PTPRD: variants seen among roughly 807,000 people sequenced by gnomAD.
The protein encoded by PTPRD is receptor-type tyrosine-protein phosphatase delta.
Under a neutral mutation model 214.5 loss-of-function variants are expected in PTPRD, and 34 were observed. The observed-to-expected ratio is 0.16, with a 90% confidence interval of 0.12 to 0.21. The LOEUF is 0.21. Among genes scored for constraint, PTPRD ranks in the 10% least tolerant of loss-of-function variants. PTPRD has a pLI of 1.00. For synonymous variants in PTPRD, 1,128 were observed against 845.7 expected, an observed-to-expected ratio of 1.33 and a Z score of -5.79; for missense variants, 2,545 against 2,398.7, an observed-to-expected ratio of 1.06 and a Z score of -1.27.
chr9:8,912,627 T>A (rs1226392027), intron 11 of PTPRD, among the ~76,000 whole-genome samples: 1 of 152,170 alleles, frequency 6.6e-6, no homozygotes, highest in Non-Finnish European at 1.5e-5. Context: ...GTATGGTATG[T>A]GAATTATACC....
chr9:10,425,900 T>C (rs1449756684), intron 2 of PTPRD, among the ~76,000 whole-genome samples: 1 of 151,986 alleles, frequency 6.6e-6, no homozygotes, highest in Non-Finnish European at 1.5e-5. Context: ...TTTCTGAACA[T>C]CTTATTAAAT....
chr9:8,474,076 T>C (rs1016449881), intron 30 of PTPRD, among the ~76,000 whole-genome samples: 21 of 152,146 alleles, frequency 1.4e-4, no homozygotes, highest in Non-Finnish European at 2.5e-4. Context: ...ATATGGCAGC[T>C]GTGGATCTAT....
At chr9:8,634,996 G>C (rs1292730571) in intron 13 of PTPRD, among the ~76,000 whole-genome samples, 1 of 150,146 alleles carries the variant, frequency 6.7e-6, no homozygotes, top group African/African-American at 2.4e-5. Context: ...CAGTCAACAT[G>C]TACTGCTCTC....
chr9:8,754,702 G>T (rs2093829548), intron 11 of PTPRD, among the ~76,000 whole-genome samples: 3 of 148,682 alleles, frequency 2.0e-5, no homozygotes, highest in South Asian at 2.3e-4. Flanking sequence ...TGAAAATAAG[G>T]TAATGACAAT....
chr9:8,686,315 G>A (rs2097680120), intron 12 of PTPRD, among the ~76,000 whole-genome samples: 1 of 152,144 alleles, frequency 6.6e-6, no homozygotes, highest in Admixed American at 6.5e-5. Context: ...TTTGAACACA[G>A]CTAACTTGGA....
chr9:9,833,676 T>TC (rs1323472455), intron 5 of PTPRD, among the ~76,000 whole-genome samples: 2 of 99,504 alleles, frequency 2.0e-5, no homozygotes, highest in East Asian at 2.4e-3. Flanking sequence ...ACAGGTACGC[T>TC]CCGGAGAGGG....
At chr9:10,169,306 C>G (rs1210240498) in intron 3 of PTPRD, among the ~76,000 whole-genome samples, 1 of 151,248 alleles carries the variant, frequency 6.6e-6, no homozygotes, top group Non-Finnish European at 1.5e-5. Flanking sequence ...AACCCCGTCT[C>G]TACTGAAAAT....
chr9:8,680,998 TA>T (rs2097539432), intron 12 of PTPRD, among the ~76,000 whole-genome samples: 1 of 152,216 alleles, frequency 6.6e-6, no homozygotes, highest in East Asian at 1.9e-4. Context: ...CTATATTTCC[TA>T]GGTTCAAAAA....
intron 2 of PTPRD, among the ~76,000 whole-genome samples, chr9:10,470,573 A>G (rs1438131630): frequency 6.6e-6 from 1 of 152,146 alleles, no homozygotes; most frequent in Non-Finnish European, 1.5e-5. Context: ...GAGAAAAAGA[A>G]GTGGTAATAA....
intron 3 of PTPRD, among the ~76,000 whole-genome samples, chr9:10,338,332 C>T (rs752379878): frequency 6.6e-6 from 1 of 151,558 alleles, no homozygotes; most frequent in Non-Finnish European, 1.5e-5. Flanking sequence ...GAGACAGTTG[C>T]CTGAAATTTA....
intron 2 of PTPRD, among the ~76,000 whole-genome samples, chr9:10,443,850 C>T (rs2098779082): frequency 6.6e-6 from 1 of 151,358 alleles, no homozygotes; most frequent in South Asian, 2.1e-4. Flanking sequence ...CAAATTCACA[C>T]ACACACACAC....
intron 7 of PTPRD, among the ~76,000 whole-genome samples, chr9:9,705,739 A>T (rs2097587720): frequency 6.6e-6 from 1 of 152,190 alleles, no homozygotes; most frequent in South Asian, 2.1e-4. Flanking sequence ...TGTACAAAAA[A>T]ATCAAAAAAG....
intron 13 of PTPRD, among the ~76,000 whole-genome samples, chr9:8,634,385 A>G (rs566722393): frequency 6.6e-6 from 1 of 152,028 alleles, no homozygotes; most frequent in African/African-American, 2.4e-5. Flanking sequence ...GAATATTCCC[A>G]TGTGCCTAAA....
Position 9,179,728 on chromosome 9 carries a change from G to C in PTPRD, c.-143+3576C>G, listed in dbSNP as rs1359443533. Among the ~76,000 whole-genome samples the C allele has an allele frequency of 3.3e-5, 5 of 152,034 alleles. No homozygotes were observed. In the East Asian group the frequency reaches 5.8e-4, roughly 18 times the overall value. Reference sequence around the variant, plus strand: ...ACCTGATTCTTTTGCCATCTAGTTAGATGGTTTTGATTCTGTCAATCAGGA... The same window carrying C: ...ACCTGATTCTTTTGCCATCTAGTTACATGGTTTTGATTCTGTCAATCAGGA... On this transcript the variant is annotated intron_variant, in intron 10 of 45. Transcript: ENST00000381196.
chr9:8,765,839 G>A (rs192748531), intron 11 of PTPRD, among the ~76,000 whole-genome samples: 335 of 152,272 alleles, frequency 2.2e-3, no homozygotes, highest in South Asian at 4.4e-3. Flanking sequence ...CCAGCATTAT[G>A]ACTTTTCAGC....
At chr9:8,418,292 T>G (rs1357450664) in intron 35 of PTPRD, among the ~76,000 whole-genome samples, 1 of 151,868 alleles carries the variant, frequency 6.6e-6, no homozygotes, top group Non-Finnish European at 1.5e-5. Context: ...CTCTCCCAAT[T>G]CATTACTGCC....
chr9:9,399,667 T>G (rs1215032503), intron 8 of PTPRD, among the ~76,000 whole-genome samples: 1 of 151,992 alleles, frequency 6.6e-6, no homozygotes, highest in Admixed American at 6.6e-5. Context: ...TCCCATGTGG[T>G]TCTCATGATA....
chr9:9,515,071 G>A (rs1288230910), intron 8 of PTPRD, among the ~76,000 whole-genome samples: 1 of 151,954 alleles, frequency 6.6e-6, no homozygotes, highest in Non-Finnish European at 1.5e-5. Context: ...GTCCAACCTG[G>A]TTTCTCTCAA....
chr9:9,389,184 T>A (rs1337960761), intron 9 of PTPRD, among the ~76,000 whole-genome samples: 1 of 152,152 alleles, frequency 6.6e-6, no homozygotes, highest in Non-Finnish European at 1.5e-5. Context: ...AGCAGCATAC[T>A]GCTTAATGAT....
Sources: gnomAD v4.1 joint callset for allele counts (sites outside exome capture counted in the v4.1 genomes callset) on GRCh38, gnomAD v4.1.1 for gene constraint, MANE v1.5 for transcripts, NCBI Gene and HGNC (gene_info 2026-07-23, HGNC 2026-07-21) for gene names.